The following SEMA3E variants were observed in gnomAD, a reference collection of about 807,000 sequenced individuals.
SEMA3E encodes semaphorin-3E.
Under a neutral mutation model 93.6 loss-of-function variants are expected in SEMA3E, and 49 were observed. The ratio of observed to expected loss-of-function variants is 0.52; its 90% CI spans 0.42 to 0.66. The LOEUF is 0.66. SEMA3E is among the 30% of genes least tolerant of loss of function. SEMA3E has a pLI of 0.00. For synonymous variants in SEMA3E, 363 were observed against 330.7 expected (o/e 1.10, Z -1.06); for missense variants, 906 against 964.8 (o/e 0.94, Z 0.81).
intron 16 of SEMA3E, among the ~76,000 whole-genome samples, chr7:83,383,564 T>G (rs1336332191): frequency 6.6e-6 from 1 of 151,998 alleles, no homozygotes; most frequent in Non-Finnish European, 1.5e-5. Context: ...TGACATAACT[T>G]TTGATGCAAA....
intron 3 of SEMA3E, among the ~76,000 whole-genome samples, chr7:83,467,746 G>T (rs1171968251): frequency 6.6e-6 from 1 of 152,144 alleles, no homozygotes; most frequent in Non-Finnish European, 1.5e-5. Context: ...GTCAACACTG[G>T]TATTCAACTC....
At chr7:83,474,918 G>A (rs1023350688) in intron 2 of SEMA3E, among the ~76,000 whole-genome samples, 16 of 151,820 alleles carry the variant, frequency 1.1e-4, no homozygotes, top group South Asian at 6.2e-4. Context: ...ATTTTACTGT[G>A]GATGTATAAA....
intron 4 of SEMA3E, among the ~76,000 whole-genome samples, chr7:83,462,973 G>A (rs1355995224): frequency 9.0e-6 from 1 of 111,412 alleles, no homozygotes; most frequent in African/African-American, 2.8e-5. Flanking sequence ...CTTTCACTTG[G>A]ACTGACCCTG....
At chr7:83,448,901 T>G (rs1042897383) in intron 4 of SEMA3E, among the ~76,000 whole-genome samples, 1 of 152,088 alleles carries the variant, frequency 6.6e-6, no homozygotes, top group Admixed American at 6.6e-5. Flanking sequence ...ATTGACTTAT[T>G]ATGGACACTG....
At chr7:83,620,695 A>G (rs1037629811) in intron 1 of SEMA3E, among the ~76,000 whole-genome samples, 2 of 152,162 alleles carry the variant, frequency 1.3e-5, no homozygotes, top group Non-Finnish European at 2.9e-5. Context: ...GGTTCAACAT[A>G]TACAAATCAA....
rs572658103 is a variant in SEMA3E, at chr7:83,364,143, C to T, written c.*3443G>A. 6.6e-6 allele frequency: 1 copy of T among 151,928 alleles called. No individual in the cohort carries two copies. Among genetic ancestry groups the T allele is most frequent in the African/African-American group, 2.4e-5 (1 of 41,442 alleles). The allele number at this position is 151,928 out of a possible 1,614,324, so 9.4% of individuals were successfully genotyped here. A position where few individuals can be genotyped will look rare whatever the true frequency, so the allele number is the denominator to read the frequency against. On this transcript the variant is annotated 3_prime_UTR_variant, in exon 17 of 17. Transcript: ENST00000643230. ...TCTCCTGACCTCATGATCCACCCGC[C>T]TCGGCCTCCCAAAGTGCTGGGATTA...
At chr7:83,540,043 C>T (rs1050209154) in intron 1 of SEMA3E, among the ~76,000 whole-genome samples, 1 of 151,994 alleles carries the variant, frequency 6.6e-6, no homozygotes, top group Non-Finnish European at 1.5e-5. Context: ...ACCACTATGC[C>T]TGGGTAATTT....
intron 1 of SEMA3E, among the ~76,000 whole-genome samples, chr7:83,647,459 A>G (rs1327042777): frequency 2.0e-5 from 3 of 152,144 alleles, no homozygotes; most frequent in Non-Finnish European, 4.4e-5. Context: ...ATCTGTCTCA[A>G]TGTGTCAATG....
At chr7:83,446,766 G>A (rs1428452847) in intron 4 of SEMA3E, among the ~76,000 whole-genome samples, 1 of 152,130 alleles carries the variant, frequency 6.6e-6, no homozygotes, top group Non-Finnish European at 1.5e-5. Context: ...AGTTCTTCCA[G>A]TACTGTATAA....
chr7:83,442,603 T>C (rs1161132499), intron 4 of SEMA3E, among the ~76,000 whole-genome samples: 1 of 152,210 alleles, frequency 6.6e-6, no homozygotes, highest in African/African-American at 2.4e-5. Flanking sequence ...TTCTCTTTTC[T>C]TTTTTCTACG....
intron 1 of SEMA3E, among the ~76,000 whole-genome samples, chr7:83,561,955 C>G (rs555807248): frequency 5.9e-5 from 9 of 152,108 alleles, no homozygotes; most frequent in South Asian, 2.1e-4. Context: ...GACACGAAAT[C>G]CCCACTAAAT....
intron 1 of SEMA3E, among the ~76,000 whole-genome samples, chr7:83,644,535 T>C (rs150721079): frequency 2.9e-3 from 435 of 152,110 alleles, no homozygotes; most frequent in East Asian, 7.7e-3. Flanking sequence ...TTCACAGATA[T>C]TGTTGTTTCA....
chr7:83,461,019 GC>G (rs1200750212), intron 4 of SEMA3E, among the ~76,000 whole-genome samples: 2 of 151,880 alleles, frequency 1.3e-5, no homozygotes, highest in African/African-American at 2.4e-5. Context: ...AAACCTAAAT[GC>G]CTTATTTTCT....
intron 4 of SEMA3E, among the ~76,000 whole-genome samples, chr7:83,448,597 T>A (rs1789287350): frequency 6.6e-6 from 1 of 152,210 alleles, no homozygotes; most frequent in African/African-American, 2.4e-5. Context: ...TCAGCAAATG[T>A]GAAATATATC....
At chr7:83,378,772 GT>G (rs1248877006) in intron 16 of SEMA3E, among the ~76,000 whole-genome samples, 2 of 151,702 alleles carry the variant, frequency 1.3e-5, no homozygotes, top group Non-Finnish European at 2.9e-5. Flanking sequence ...GTACTAACTA[GT>G]TTGTATTTTG....
intron 2 of SEMA3E, among the ~76,000 whole-genome samples, chr7:83,477,965 GGCTGGAGT>G (rs1790053649): frequency 6.6e-6 from 1 of 151,368 alleles, no homozygotes; most frequent in South Asian, 2.1e-4. Flanking sequence ...TTATTGCTCA[GGCTGGAGT>G]GCAATGGCAC....
intron 1 of SEMA3E, among the ~76,000 whole-genome samples, chr7:83,640,654 T>C (rs1324528475): frequency 6.6e-6 from 1 of 152,238 alleles, no homozygotes; most frequent in Non-Finnish European, 1.5e-5. Flanking sequence ...ATATTTATTG[T>C]GTTAAACAAA....
At chr7:83,486,435 A>G (rs935617095) in intron 2 of SEMA3E, among the ~76,000 whole-genome samples, 2 of 152,160 alleles carry the variant, frequency 1.3e-5, no homozygotes, top group African/African-American at 4.8e-5. Flanking sequence ...AAAAAATGTT[A>G]TATCAGGAAA....
chr7:83,382,771 T>C (rs990699691), intron 16 of SEMA3E, among the ~76,000 whole-genome samples: 4 of 151,794 alleles, frequency 2.6e-5, no homozygotes, highest in African/African-American at 9.7e-5. Flanking sequence ...ATAAAATATA[T>C]AGAGATTATG....
Sources: allele counts gnomAD v4.1 joint callset (sites outside exome capture counted in the v4.1 genomes callset), GRCh38; gene constraint gnomAD v4.1.1; transcripts MANE v1.5; gene names NCBI Gene and HGNC (gene_info 2026-07-23, HGNC 2026-07-21).